Variants in FRMD3 observed in about 807,000 individuals in gnomAD.
The protein encoded by FRMD3 is FERM domain-containing protein 3.
FRMD3 carries 33 observed loss-of-function variants against 70.2 expected under a neutral mutation model. The ratio of observed to expected loss-of-function variants is 0.47; its 90% CI spans 0.36 to 0.63. FRMD3 has a LOEUF of 0.63. FRMD3 is among the 20% of genes least tolerant of loss of function. FRMD3 has a pLI of 0.00. For synonymous variants in FRMD3, 279 were observed against 255.9 expected, an observed-to-expected ratio of 1.09 and a Z score of -0.86; for missense variants, 632 against 711.4, an observed-to-expected ratio of 0.89 and a Z score of 1.27.
Position 83,248,509 on chromosome 9 carries a change from T to C in FRMD3, c.1203A>G (p.Pro401=), listed in dbSNP as rs1206933799. The change falls in exon 14 of 14, where the codon CCA becomes CCG. Residue 401 remains proline, a synonymous_variant. Coordinates refer to ENST00000304195, the MANE Select transcript of FRMD3 (RefSeq NM_174938.6). The stretch of plus-strand genomic sequence containing the variant: ...CAGAAATGTTCTCCTCTTTAGGCAA[T>C]GGAACACCTGTAAAGAGACATTTTT... ...EEELPLGEGV[P]LPKEENISAP... 6.2e-7 allele frequency: 1 copy of C among 1,603,096 alleles called. No homozygotes were observed. The highest frequency in any genetic ancestry group is 1.1e-5 in the South Asian group (1 of 89,950).
chr9:83,553,478 G>C, the FRMD3 span, among the ~76,000 whole-genome samples: 1 of 152,058 alleles, frequency 6.6e-6, no homozygotes, highest in Non-Finnish European at 1.5e-5. Flanking sequence ...TGTAGAAGAA[G>C]GTGCCCTTTC....
intron 1 of FRMD3, among the ~76,000 whole-genome samples, chr9:83,480,496 A>ATTT (rs11376067): frequency 1.4e-5 from 2 of 143,016 alleles, no homozygotes; most frequent in Non-Finnish European, 3.0e-5. Context: ...TAAACTAGAG[A>ATTT]TTTTTTTTTT....
the FRMD3 span, among the ~76,000 whole-genome samples, chr9:83,576,507 A>G: frequency 1.3e-5 from 2 of 152,134 alleles, no homozygotes; most frequent in East Asian, 1.9e-4. Flanking sequence ...AACTTGTGTC[A>G]TGGTGTTTGT....
intron 2 of FRMD3, among the ~76,000 whole-genome samples, chr9:83,377,170 G>A (rs565585425): frequency 6.6e-6 from 1 of 152,204 alleles, no homozygotes; most frequent in South Asian, 2.1e-4. Flanking sequence ...GGGAGGCTTT[G>A]AACTACTTTA....
intron 1 of FRMD3, among the ~76,000 whole-genome samples, chr9:83,445,072 T>G (rs1309624666): frequency 6.6e-6 from 1 of 152,194 alleles, no homozygotes; most frequent in Non-Finnish European, 1.5e-5. Flanking sequence ...CTGTGTAAAA[T>G]CTATTAGATA....
At chr9:83,573,249 G>A in the FRMD3 span, among the ~76,000 whole-genome samples, 79 of 151,504 alleles carry the variant, frequency 5.2e-4, no homozygotes, top group East Asian at 0.014. Flanking sequence ...AAAGAAGAAA[G>A]AGGAAGATGG....
intron 1 of FRMD3, among the ~76,000 whole-genome samples, chr9:83,425,907 C>CA (rs71498055): frequency 0.53 from 45,664 of 86,964 alleles, 12,131 homozygotes; most frequent in East Asian, 0.6. Context: ...AACTCCGTCT[C>CA]AAAAAAAAAA....
intron 2 of FRMD3, among the ~76,000 whole-genome samples, chr9:83,379,484 T>C (rs1825289915): frequency 6.6e-6 from 1 of 152,206 alleles, no homozygotes; most frequent in South Asian, 2.1e-4. Flanking sequence ...GTGGCTAATT[T>C]ACTGTAGCTG....
intron 1 of FRMD3, among the ~76,000 whole-genome samples, chr9:83,480,567 C>T (rs1239128207): frequency 2.0e-5 from 3 of 149,850 alleles, no homozygotes; most frequent in Non-Finnish European, 4.4e-5. Context: ...GTGATCTCAG[C>T]TCACCACAAC....
the FRMD3 span, among the ~76,000 whole-genome samples, chr9:83,547,336 AT>A: frequency 1.7e-3 from 249 of 148,828 alleles, 2 homozygotes; most frequent in African/African-American, 5.8e-3. Context: ...ATTATATATA[AT>A]TATTATATAA....
chr9:83,554,772 C>G, the FRMD3 span, among the ~76,000 whole-genome samples: 1 of 152,172 alleles, frequency 6.6e-6, no homozygotes, highest in African/African-American at 2.4e-5. Flanking sequence ...CTTGGTAGCT[C>G]TGGTGGCAGG....
At chr9:83,566,642 A>T in the FRMD3 span, among the ~76,000 whole-genome samples, 1 of 152,218 alleles carries the variant, frequency 6.6e-6, no homozygotes, top group African/African-American at 2.4e-5. Flanking sequence ...CAGCCATTCC[A>T]AATAAGAGAA....
chr9:83,444,619 TC>T (rs1192630707), intron 1 of FRMD3, among the ~76,000 whole-genome samples: 3 of 152,174 alleles, frequency 2.0e-5, no homozygotes, highest in African/African-American at 7.2e-5. Flanking sequence ...CCCAAAGTGA[TC>T]ACCTACCAGG....
At chr9:83,563,687 G>T in the FRMD3 span, among the ~76,000 whole-genome samples, 68 of 152,214 alleles carry the variant, frequency 4.5e-4, no homozygotes, top group African/African-American at 1.6e-3. Flanking sequence ...GTCCTCTCCA[G>T]CTCACGTAGG....
intron 1 of FRMD3, among the ~76,000 whole-genome samples, chr9:83,493,112 G>A (rs3860938): frequency 3.9e-5 from 6 of 152,006 alleles, no homozygotes; most frequent in South Asian, 4.2e-4. Context: ...CCAAAAAGCC[G>A]CTGACCTCAC....
At position 83,267,093 on chromosome 9, in the gene FRMD3, AT is replaced by A. The variant is rs756814066; in HGVS notation, c.1196-18578del. On this transcript the variant is annotated intron_variant, in intron 13 of 13. Coordinates refer to ENST00000304195, the MANE Select transcript of FRMD3 (RefSeq NM_174938.6). ...CTGTTGCAGTGGTTCACCATGTGCA[AT>A]TGGAGGCTTCGTCGAGTCTGGATCT... 1.3e-5 allele frequency: 20 copies of A among 1,550,830 alleles called. No individual in the cohort carries two copies. The East Asian group carries it at 3.4e-4, about 27-fold the overall frequency.
chr9:83,255,404 A>G (rs1169170634), intron 13 of FRMD3, among the ~76,000 whole-genome samples: 5 of 152,178 alleles, frequency 3.3e-5, no homozygotes, highest in Admixed American at 6.5e-5. Flanking sequence ...GCCATATGTG[A>G]TAAACCCACA....
the FRMD3 span, among the ~76,000 whole-genome samples, chr9:83,571,388 T>C: frequency 6.6e-6 from 1 of 152,232 alleles, no homozygotes; most frequent in African/African-American, 2.4e-5. Flanking sequence ...TCTGGTATTC[T>C]GTTTTAGCAA....
At chr9:83,514,439 C>T (rs560679604) in intron 1 of FRMD3, among the ~76,000 whole-genome samples, 1 of 152,326 alleles carries the variant, frequency 6.6e-6, no homozygotes, top group Admixed American at 6.5e-5. Context: ...CAGGCCATCT[C>T]TGAAAGAAAG....
Sources: allele counts gnomAD v4.1 joint callset (sites outside exome capture counted in the v4.1 genomes callset), GRCh38; gene constraint gnomAD v4.1.1; transcripts MANE v1.5; gene names NCBI Gene and HGNC (gene_info 2026-07-23, HGNC 2026-07-21).